Variants in DGKB observed in about 807,000 individuals in gnomAD.
The protein encoded by DGKB is 90 kDa diacylglycerol kinase.
In DGKB, 67 loss-of-function variants were observed where a neutral mutation model predicts 114.3. That is an observed-to-expected ratio of 0.59 (90% CI 0.48 to 0.72). The LOEUF (loss-of-function observed/expected upper bound fraction) is 0.72, where lower values mean the gene tolerates loss of function less well. Ranked by LOEUF, DGKB falls within the 30% of genes least tolerant of loss-of-function variation. The probability of loss-of-function intolerance (pLI) is 0.00; values close to 1 mark genes in which losing one functional copy is unlikely to be tolerated. For missense variants in DGKB, 907 were observed against 975.2 expected, an observed-to-expected ratio of 0.93 and a Z score of 0.93; for synonymous variants, 398 against 323.1, an observed-to-expected ratio of 1.23 and a Z score of -2.49.
intron 1 of DGKB, among the ~76,000 whole-genome samples, chr7:14,857,425 C>T (rs1191761355): frequency 2.6e-5 from 4 of 151,934 alleles, no homozygotes; most frequent in Non-Finnish European, 4.4e-5. Flanking sequence ...TCGATTTCAA[C>T]CTTGTGAGAC....
At chr7:14,953,470 C>T (rs1235596449) in intron 1 of DGKB, among the ~76,000 whole-genome samples, 1 of 152,024 alleles carries the variant, frequency 6.6e-6, no homozygotes, top group African/African-American at 2.4e-5. Flanking sequence ...ATCTGGTCAT[C>T]AGGAAAATGC....
chr7:14,834,464 T>A (rs746932665), intron 2 of DGKB, among the ~76,000 whole-genome samples: 7 of 152,110 alleles, frequency 4.6e-5, no homozygotes, highest in Non-Finnish European at 1.0e-4. Flanking sequence ...GTGAATTGCT[T>A]AGGCCAAAGA....
intron 1 of DGKB, among the ~76,000 whole-genome samples, chr7:14,902,095 C>A (rs4721388): frequency 0.62 from 93,561 of 151,946 alleles, 30,461 homozygotes; most frequent in Non-Finnish European, 0.7. Flanking sequence ...TATCTAGAGA[C>A]CTACTTCACG....
chr7:14,293,295 T>C (rs979995579), intron 23 of DGKB, among the ~76,000 whole-genome samples: 1 of 152,154 alleles, frequency 6.6e-6, no homozygotes, highest in Non-Finnish European at 1.5e-5. Flanking sequence ...TGCAGGTGCA[T>C]GATAAAAATA....
chr7:14,892,740 T>C (rs2128227167), intron 1 of DGKB, among the ~76,000 whole-genome samples: 1 of 151,208 alleles, frequency 6.6e-6, no homozygotes, highest in East Asian at 1.9e-4. Context: ...AATCCAGAAA[T>C]ATCCCTAACT....
intron 21 of DGKB, among the ~76,000 whole-genome samples, chr7:14,371,098 T>C (rs1010556036): frequency 6.6e-6 from 1 of 152,196 alleles, no homozygotes; most frequent in Non-Finnish European, 1.5e-5. Context: ...ATTCCATGTC[T>C]TGGCTAGTGT....
At chr7:14,549,377 A>T (rs1462654105) in intron 20 of DGKB, among the ~76,000 whole-genome samples, 1 of 152,098 alleles carries the variant, frequency 6.6e-6, no homozygotes, top group Non-Finnish European at 1.5e-5. Flanking sequence ...AAGTTGTTTT[A>T]CCCCCAGAAA....
chr7:14,701,091 A>G (rs954701827), intron 7 of DGKB, among the ~76,000 whole-genome samples: 4 of 138,430 alleles, frequency 2.9e-5, no homozygotes, highest in Admixed American at 7.8e-5. Flanking sequence ...TCAGTTAATC[A>G]TATAAAGATG....
At chr7:14,601,431 C>A (rs962875196) in intron 17 of DGKB, among the ~76,000 whole-genome samples, 2 of 152,174 alleles carry the variant, frequency 1.3e-5, no homozygotes, top group Non-Finnish European at 2.9e-5. Context: ...TAGATTCCTT[C>A]TAGACATACT....
intron 1 of DGKB, among the ~76,000 whole-genome samples, chr7:14,865,538 G>A (rs1263462973): frequency 1.3e-5 from 2 of 152,206 alleles, no homozygotes; most frequent in Non-Finnish European, 2.9e-5. Flanking sequence ...TTCTAAAGTA[G>A]TAGTGGCTTC....
chr7:14,916,209 T>C (rs1232520946), intron 1 of DGKB, among the ~76,000 whole-genome samples: 1 of 151,634 alleles, frequency 6.6e-6, no homozygotes, highest in Non-Finnish European at 1.5e-5. Flanking sequence ...TATAATAATA[T>C]AATAAAATAG....
At chr7:14,613,467 A>C in intron 15 of DGKB, 54 bp from the exon 16 acceptor site, 12 of 880,982 alleles carry the variant, frequency 1.4e-5, no homozygotes, top group Non-Finnish European at 2.1e-5. Flanking sequence ...ATATATGAAG[A>C]AGACTCCTTG....
At chr7:14,916,875 T>C (rs557971339) in intron 1 of DGKB, among the ~76,000 whole-genome samples, 39 of 152,056 alleles carry the variant, frequency 2.6e-4, no homozygotes, top group Admixed American at 3.3e-4. Context: ...CTCACCAAGA[T>C]AGACCACATT....
intron 25 of DGKB, among the ~76,000 whole-genome samples, chr7:14,157,520 G>A (rs1234606934): frequency 1.3e-5 from 2 of 151,996 alleles, no homozygotes; most frequent in Admixed American, 6.6e-5. Flanking sequence ...GAGTTGGGAG[G>A]TTTACTTGCC....
intron 23 of DGKB, among the ~76,000 whole-genome samples, chr7:14,302,177 G>C (rs1803677087): frequency 6.6e-6 from 1 of 152,050 alleles, no homozygotes; most frequent in Admixed American, 6.6e-5. Flanking sequence ...ATAATGTTTA[G>C]GAATGTATTC....
chr7:14,470,756 T>C (rs892204079), intron 21 of DGKB, among the ~76,000 whole-genome samples: 1 of 151,694 alleles, frequency 6.6e-6, no homozygotes, highest in African/African-American at 2.4e-5. Context: ...ATGCCAATTT[T>C]CAATTGGCTT....
At chr7:14,811,890 T>A (rs1399518847) in intron 2 of DGKB, among the ~76,000 whole-genome samples, 1 of 124,404 alleles carries the variant, frequency 8.0e-6, no homozygotes, top group African/African-American at 3.9e-5. Flanking sequence ...TATGTATCTT[T>A]AGAACTTTTT....
chr7:14,920,139 A>G (rs1312838987), intron 1 of DGKB, among the ~76,000 whole-genome samples: 1 of 152,212 alleles, frequency 6.6e-6, no homozygotes, highest in African/African-American at 2.4e-5. Context: ...TGAAATCCAT[A>G]CAAGAAAAGA....
intron 5 of DGKB, among the ~76,000 whole-genome samples, chr7:14,725,241 CTA>C (rs1829843619): frequency 6.6e-6 from 1 of 152,096 alleles, no homozygotes; most frequent in African/African-American, 2.4e-5. Context: ...AATTAACTAC[CTA>C]TGTCTATTTG....
Sources: allele counts gnomAD v4.1 joint callset (sites outside exome capture counted in the v4.1 genomes callset), GRCh38; gene constraint gnomAD v4.1.1; transcripts MANE v1.5; gene names NCBI Gene and HGNC (gene_info 2026-07-23, HGNC 2026-07-21).